Variants in LINGO2 observed in about 807,000 individuals in gnomAD.
LINGO2 encodes the protein leucine-rich repeat and immunoglobulin-like domain-containing nogo receptor-interacting protein 2.
Under a neutral mutation model 30.6 loss-of-function variants are expected in LINGO2, and 14 were observed. The observed-to-expected ratio is 0.46, with a 90% CI of 0.30 to 0.72. The LOEUF is 0.72. Among genes scored for constraint, LINGO2 ranks in the 30% least tolerant of loss-of-function variants. LINGO2 has a pLI of 0.07. For synonymous variants in LINGO2, 317 were observed against 288.5 expected (o/e 1.10, Z -1.00); for missense variants, 729 against 751.7 (o/e 0.97, Z 0.35).
intron 1 of LINGO2, among the ~76,000 whole-genome samples, chr9:28,480,393 A>T (rs1825915496): frequency 1.3e-5 from 2 of 152,082 alleles, no homozygotes; most frequent in South Asian, 2.1e-4. Flanking sequence ...CCAGTTATTC[A>T]GAGAAATTTA....
At chr9:28,652,444 C>CAAAA (rs902602255) in intron 1 of LINGO2, among the ~76,000 whole-genome samples, 1 of 152,086 alleles carries the variant, frequency 6.6e-6, no homozygotes, top group Non-Finnish European at 1.5e-5. Context: ...CAACTTAAGG[C>CAAAA]TTTTGGTCCT....
chr9:28,427,345 G>A (rs571190829), intron 2 of LINGO2, among the ~76,000 whole-genome samples: 3 of 152,208 alleles, frequency 2.0e-5, no homozygotes, highest in African/African-American at 4.8e-5. Flanking sequence ...TCCTGCTTAA[G>A]AGATATGAAG....
chr9:28,933,746 T>C, the LINGO2 span, among the ~76,000 whole-genome samples: 1 of 152,202 alleles, frequency 6.6e-6, no homozygotes, highest in Non-Finnish European at 1.5e-5. Context: ...AAAATACTTC[T>C]ACAAGGACAT....
intron 1 of LINGO2, among the ~76,000 whole-genome samples, chr9:28,564,349 C>T (rs1032289264): frequency 1.9e-4 from 29 of 151,968 alleles, no homozygotes; most frequent in Admixed American, 8.5e-4. Context: ...GTAGATGAAC[C>T]GGGAGTAGAT....
intron 2 of LINGO2, among the ~76,000 whole-genome samples, chr9:28,455,473 T>C (rs916355650): frequency 6.6e-6 from 1 of 152,070 alleles, no homozygotes; most frequent in African/African-American, 2.4e-5. Context: ...CTTTCTCTAA[T>C]GTAGTTACAG....
At chr9:28,906,138 C>T in the LINGO2 span, among the ~76,000 whole-genome samples, 1 of 151,646 alleles carries the variant, frequency 6.6e-6, no homozygotes, top group East Asian at 1.9e-4. Flanking sequence ...GAAATGGTGG[C>T]CAAGGGGCTC....
At chr9:28,807,077 T>A in the LINGO2 span, among the ~76,000 whole-genome samples, 39 of 151,928 alleles carry the variant, frequency 2.6e-4, no homozygotes, top group African/African-American at 8.4e-4. Context: ...CAGGCTGGAG[T>A]GCAGTGGCGC....
chr9:28,236,334 T>C (rs1457690801), intron 4 of LINGO2, among the ~76,000 whole-genome samples: 1 of 152,186 alleles, frequency 6.6e-6, no homozygotes, highest in Non-Finnish European at 1.5e-5. Context: ...TAAAGGGATT[T>C]CTTCAATCTG....
At chr9:28,024,366 G>T (rs1001255017) in intron 4 of LINGO2, among the ~76,000 whole-genome samples, 18 of 152,246 alleles carry the variant, frequency 1.2e-4, no homozygotes, top group African/African-American at 4.3e-4. Context: ...ACCCTGCTTT[G>T]CAAGGTTGCA....
At chr9:28,467,220 T>C (rs917541000) in intron 2 of LINGO2, among the ~76,000 whole-genome samples, 2 of 151,912 alleles carry the variant, frequency 1.3e-5, no homozygotes, top group Admixed American at 1.3e-4. Flanking sequence ...AGAGATGGGG[T>C]TTCACCGTGT....
chr9:28,128,826 GTT>G (rs997108864), intron 4 of LINGO2, among the ~76,000 whole-genome samples: 1 of 151,242 alleles, frequency 6.6e-6, no homozygotes, highest in African/African-American at 2.4e-5. Flanking sequence ...GCAAAGTATT[GTT>G]TCTGACTGTG....
At chr9:28,456,409 G>A (rs1234175583) in intron 2 of LINGO2, among the ~76,000 whole-genome samples, 2 of 152,114 alleles carry the variant, frequency 1.3e-5, no homozygotes, top group African/African-American at 2.4e-5. Context: ...CTAACTCAGA[G>A]GCATGGTAGT....
the LINGO2 span, among the ~76,000 whole-genome samples, chr9:28,714,198 C>CATATATATAT: frequency 3.1e-5 from 2 of 64,250 alleles, no homozygotes; most frequent in African/African-American, 1.5e-4. Context: ...TACACACATA[C>CATATATATAT]ACACACACAC....
chr9:29,205,864 T>A, the LINGO2 span, among the ~76,000 whole-genome samples: 1 of 152,184 alleles, frequency 6.6e-6, no homozygotes, highest in Admixed American at 6.5e-5. Flanking sequence ...CCCAAAAGAT[T>A]CCTTGTGCCC....
the LINGO2 span, among the ~76,000 whole-genome samples, chr9:28,805,823 G>A: frequency 5.3e-5 from 8 of 151,790 alleles, no homozygotes; most frequent in Non-Finnish European, 1.0e-4. Flanking sequence ...CTGTGATTAA[G>A]GTCAGTATGC....
the LINGO2 span, chr9:27,938,986 C>T: frequency 6.6e-6 from 1 of 151,966 alleles, no homozygotes; most frequent in Non-Finnish European, 1.5e-5. Context: ...ATTTTGAGGG[C>T]ATGTATTTAA....
the LINGO2 span, among the ~76,000 whole-genome samples, chr9:28,712,693 A>G: frequency 6.6e-6 from 1 of 151,844 alleles, no homozygotes; most frequent in Non-Finnish European, 1.5e-5. Context: ...TTAACTCCAA[A>G]TTTTTATTCA....
the LINGO2 span, among the ~76,000 whole-genome samples, chr9:29,077,192 G>C: frequency 6.6e-6 from 1 of 151,616 alleles, no homozygotes; most frequent in Non-Finnish European, 1.5e-5. Context: ...ATTGCAAAAG[G>C]GAAAAAATGT....
intron 1 of LINGO2, among the ~76,000 whole-genome samples, chr9:28,563,338 C>T (rs1442188246): frequency 1.3e-5 from 2 of 152,094 alleles, no homozygotes; most frequent in Admixed American, 6.5e-5. Context: ...TTACAGAATT[C>T]TCAATTGTAA....
Sources: gnomAD v4.1 joint callset for allele counts (sites outside exome capture counted in the v4.1 genomes callset) on GRCh38, gnomAD v4.1.1 for gene constraint, MANE v1.5 for transcripts, NCBI Gene and HGNC (gene_info 2026-07-23, HGNC 2026-07-21) for gene names.